Variants in MCUB observed in about 807,000 individuals in gnomAD.
The protein encoded by MCUB is calcium uniporter regulatory subunit MCUb, mitochondrial.
In MCUB, 46 loss-of-function variants were observed where a neutral mutation model predicts 41.4. The ratio of observed to expected loss-of-function variants is 1.11; its 90% CI spans 0.88 to 1.42. MCUB has a LOEUF of 1.42. Ranked by LOEUF, MCUB falls within the 40% of genes most tolerant of loss-of-function variation. The pLI is 0.00. For synonymous variants in MCUB, 148 were observed against 148.2 expected, an observed-to-expected ratio of 1.00 and a Z score of 0.01; for missense variants, 403 against 404.9, an observed-to-expected ratio of 1.00 and a Z score of 0.04.
At position 109,688,352 on chromosome 4, in the gene MCUB, CTGTT is replaced by C. The variant is rs932017318; in HGVS notation, c.*764_*767del. 2.0e-5 allele frequency: 3 copies of C among 152,204 alleles called. No homozygotes were observed. The highest frequency in any genetic ancestry group is 1.3e-4 in the Admixed American group (2 of 15,282). The allele number at this position is 152,204 out of a possible 1,614,324, so 9.4% of individuals were successfully genotyped here. A position where few individuals can be genotyped will look rare whatever the true frequency, so the allele number is the denominator to read the frequency against. ...GTGAATGGGTCTGATGACTGTTGGA[CTGTT>C]TGTAGGAACTTAACATGGAAGATGC... is the stretch of plus-strand genomic sequence containing the variant. On this transcript the variant is annotated 3_prime_UTR_variant, in exon 8 of 8. Coordinates refer to ENST00000394650, the MANE Select transcript of MCUB (RefSeq NM_017918.5).
chr4:109,632,484 G>T (rs1728495221), intron 1 of MCUB, among the ~76,000 whole-genome samples: 1 of 152,140 alleles, frequency 6.6e-6, no homozygotes, highest in Non-Finnish European at 1.5e-5. Context: ...TTTATGTGGG[G>T]CAGGAATTTG....
chr4:109,619,019 T>TCTAC (rs1728191761), intron 1 of MCUB, among the ~76,000 whole-genome samples: 2 of 85,398 alleles, frequency 2.3e-5, no homozygotes, highest in Non-Finnish European at 5.2e-5. Flanking sequence ...TACCTACCTA[T>TCTAC]CTACCTGCCT....
chr4:109,565,766 G>A (rs918044621), intron 1 of MCUB, among the ~76,000 whole-genome samples: 8 of 151,248 alleles, frequency 5.3e-5, no homozygotes, highest in African/African-American at 1.5e-4. Context: ...ACTGGTAACA[G>A]AATGAAGCAT....
At chr4:109,624,835 A>G (rs745363097) in intron 1 of MCUB, among the ~76,000 whole-genome samples, 31 of 152,172 alleles carry the variant, frequency 2.0e-4, no homozygotes, top group Non-Finnish European at 4.0e-4. Flanking sequence ...AGGAGAACAA[A>G]CTGTATAGTC....
At chr4:109,648,416 T>C (rs1008027477) in intron 1 of MCUB, 2 of 258,092 alleles carry the variant, frequency 7.7e-6, no homozygotes. Context: ...AAATATTGTA[T>C]GTATGTATTC....
chr4:109,584,406 G>A (rs1727255501), intron 1 of MCUB, among the ~76,000 whole-genome samples: 1 of 152,058 alleles, frequency 6.6e-6, no homozygotes, highest in Non-Finnish European at 1.5e-5. Flanking sequence ...ACTAGCCCCT[G>A]GATTCATTGA....
chr4:109,587,527 C>A (rs1727338299), intron 1 of MCUB, among the ~76,000 whole-genome samples: 1 of 152,226 alleles, frequency 6.6e-6, no homozygotes, highest in Non-Finnish European at 1.5e-5. Context: ...GCAGAAATCA[C>A]CCGTCTTCTG....
At chr4:109,631,603 A>G (rs1728476045) in intron 1 of MCUB, among the ~76,000 whole-genome samples, 1 of 152,178 alleles carries the variant, frequency 6.6e-6, no homozygotes, top group South Asian at 2.1e-4. Context: ...TCAGTTATTA[A>G]TTTATTATCC....
intron 1 of MCUB, among the ~76,000 whole-genome samples, chr4:109,584,960 A>G (rs1444689156): frequency 1.3e-5 from 2 of 152,160 alleles, no homozygotes; most frequent in Admixed American, 6.5e-5. Flanking sequence ...GTAGGTGTCT[A>G]TTAGGTCTGC....
In MCUB at chr4:109,654,930, C is replaced by G. The variant is rs1307876125; in HGVS notation, c.100-4081C>G. ...TTTAAATCAATACTGACACTACCTA[C>G]CTGGAGTTAACATCAGATCCCACAA... is the stretch of plus-strand genomic sequence containing the variant. On this transcript the variant is annotated intron_variant, in intron 1 of 7. Transcript: ENST00000394650. 2.0e-5 allele frequency among the ~76,000 whole-genome samples: 3 copies of G among 152,120 alleles called. No homozygotes were observed. In the East Asian group the frequency reaches 5.8e-4, roughly 29 times the overall value.
chr4:109,640,104 G>A (rs1316262564), intron 1 of MCUB, among the ~76,000 whole-genome samples: 1 of 152,208 alleles, frequency 6.6e-6, no homozygotes, highest in Admixed American at 6.5e-5. Context: ...TTGTGGGCAG[G>A]GGGTGGATCT....
intron 1 of MCUB, among the ~76,000 whole-genome samples, chr4:109,630,201 C>T (rs1232147510): frequency 1.3e-5 from 2 of 152,218 alleles, no homozygotes; most frequent in Admixed American, 1.3e-4. Flanking sequence ...TGGCTTGTGC[C>T]TATAATCCCA....
intron 1 of MCUB, among the ~76,000 whole-genome samples, chr4:109,617,603 G>A (rs6533439): frequency 0.49 from 74,418 of 152,026 alleles, 19,325 homozygotes; most frequent in South Asian, 0.64. Context: ...AAGTATCATT[G>A]TCATGAATCT....
intron 1 of MCUB, among the ~76,000 whole-genome samples, chr4:109,623,540 C>T (rs6832174): frequency 0.48 from 73,578 of 151,992 alleles, 18,586 homozygotes; most frequent in South Asian, 0.62. Context: ...AAATATTTCC[C>T]AGGACAAATA....
intron 1 of MCUB, among the ~76,000 whole-genome samples, chr4:109,563,084 T>C (rs1021384785): frequency 4.6e-5 from 7 of 152,240 alleles, no homozygotes; most frequent in Non-Finnish European, 1.0e-4. Context: ...TGGCTCCTGC[T>C]GATGTTTCTG....
chr4:109,685,699 G>T (rs939589204), intron 7 of MCUB, among the ~76,000 whole-genome samples: 1 of 152,146 alleles, frequency 6.6e-6, no homozygotes. Context: ...AGGAACTTAA[G>T]GCATTTATAA....
intron 1 of MCUB, among the ~76,000 whole-genome samples, chr4:109,589,336 T>C (rs920068031): frequency 2.0e-5 from 3 of 152,224 alleles, no homozygotes; most frequent in African/African-American, 7.2e-5. Context: ...ATCTACACTC[T>C]GGCATTTGTC....
At chr4:109,615,457 G>C (rs1304370505) in intron 1 of MCUB, among the ~76,000 whole-genome samples, 3 of 150,466 alleles carry the variant, frequency 2.0e-5, no homozygotes, top group Non-Finnish European at 2.9e-5. Context: ...CCAGGCTGGA[G>C]TGCAGTGGTG....
At chr4:109,565,839 T>A (rs898166134) in intron 1 of MCUB, among the ~76,000 whole-genome samples, 5 of 77,678 alleles carry the variant, frequency 6.4e-5, no homozygotes, top group African/African-American at 5.7e-4. Flanking sequence ...TTTTCATTTC[T>A]TTTTTTTTTT....
Sources: gnomAD v4.1 joint callset for allele counts (sites outside exome capture counted in the v4.1 genomes callset) on GRCh38, gnomAD v4.1.1 for gene constraint, MANE v1.5 for transcripts, NCBI Gene and HGNC (gene_info 2026-07-23, HGNC 2026-07-21) for gene names.